The following SUSD4 variants were observed in gnomAD, a reference collection of about 807,000 sequenced individuals.
SUSD4 encodes sushi domain containing 4.
In SUSD4, 41 loss-of-function variants were observed where a neutral mutation model predicts 50.5. The ratio of observed to expected loss-of-function variants is 0.81; its 90% confidence interval spans 0.63 to 1.05. The LOEUF (loss-of-function observed/expected upper bound fraction) is 1.05. Among genes scored for constraint, SUSD4 ranks in the 50% least tolerant of loss-of-function variants. The pLI is 0.00. For synonymous variants in SUSD4, 257 were observed against 257.3 expected (o/e 1.00, Z 0.01); for missense variants, 580 against 634.7 (o/e 0.91, Z 0.93).
rs1449079835 is a variant in SUSD4 at position 223,332,304 on chromosome 1, T to A, written c.148+30974A>T. On this transcript the variant is annotated intron_variant, in intron 2 of 8. Coordinates refer to ENST00000366878, the MANE Select transcript of SUSD4 (RefSeq NM_017982.4). The surrounding 1 kb of genome is among the most constrained non-coding windows in gnomAD (Gnocchi z 4.0). The stretch of plus-strand genomic sequence containing the variant: ...TTTTATACAAGCTCATATACACACA[T>A]ATCTACAGAAAACATCATAGTGTAT... Among the ~76,000 whole-genome samples the A allele has an allele frequency of 6.6e-6, 1 of 152,212 alleles. No individual in the cohort carries two copies. The highest frequency in any genetic ancestry group is 1.5e-5 in the Non-Finnish European group (1 of 68,036).
intron 5 of SUSD4, chr1:223,234,978 T>C (rs1660117055): frequency 6.3e-7 from 1 of 1,591,992 alleles, no homozygotes; most frequent in Non-Finnish European, 8.5e-7. Flanking sequence ...GTGGTGCTAG[T>C]TGAGGAACAG....
chr1:223,340,733 A>G (rs182362868), intron 2 of SUSD4, among the ~76,000 whole-genome samples: 158 of 152,324 alleles, frequency 1.0e-3, no homozygotes, highest in African/African-American at 3.2e-3. Context: ...CCTGTGATCT[A>G]GTTAGACAGG....
chr1:223,269,223 TA>T (rs1387734282), intron 3 of SUSD4, among the ~76,000 whole-genome samples: 1 of 152,112 alleles, frequency 6.6e-6, no homozygotes, highest in East Asian at 1.9e-4. Flanking sequence ...CTTATCTGTT[TA>T]AAAAGAGATA....
At chr1:223,257,858 C>T (rs187366038) in intron 5 of SUSD4, among the ~76,000 whole-genome samples, 15 of 152,252 alleles carry the variant, frequency 9.9e-5, no homozygotes, top group African/African-American at 2.6e-4. Flanking sequence ...GGCCCTGATT[C>T]GGGTCTGGGG....
chr1:223,274,059 G>A (rs913535666), intron 3 of SUSD4, among the ~76,000 whole-genome samples: 1 of 152,122 alleles, frequency 6.6e-6, no homozygotes, highest in Admixed American at 6.5e-5. Context: ...TGGGGACTCT[G>A]AACTTAGTAC....
chr1:223,276,361 T>C (rs1467411318), intron 3 of SUSD4, among the ~76,000 whole-genome samples: 1 of 152,150 alleles, frequency 6.6e-6, no homozygotes, highest in Non-Finnish European at 1.5e-5. Context: ...ACAGAAAGAG[T>C]GAGGTCTCAG....
chr1:223,227,361 C>A lies in SUSD4; in HGVS notation c.1061+233G>T, dbSNP rs1659586595. 6.6e-6 allele frequency among the ~76,000 whole-genome samples: 1 copy of A among 152,102 alleles called. No individual in the cohort carries two copies. The highest frequency in any genetic ancestry group is 2.4e-5 in the African/African-American group (1 of 41,416). ...ATCCCATCGCTAGCCCCCCATGATG[C>A]CCACCTGCAAATGGTCTACTGCAGG... is the stretch of plus-strand genomic sequence containing the variant. On this transcript the variant is annotated intron_variant, in intron 7 of 8. Transcript: ENST00000366878. The surrounding 1 kb of genome is among the most constrained non-coding windows in gnomAD (Gnocchi z 4.5).
chr1:223,297,525 T>G (rs963770318), intron 2 of SUSD4, among the ~76,000 whole-genome samples: 2 of 152,162 alleles, frequency 1.3e-5, no homozygotes, highest in Admixed American at 6.5e-5. Context: ...TGTCTCCTAC[T>G]GAAGCAGGAA....
intron 3 of SUSD4, among the ~76,000 whole-genome samples, chr1:223,281,802 C>A (rs1025734458): frequency 3.3e-5 from 5 of 152,170 alleles, no homozygotes; most frequent in African/African-American, 1.2e-4. Context: ...GAATTTTAGA[C>A]CAATATCCCT....
intron 3 of SUSD4, among the ~76,000 whole-genome samples, chr1:223,277,315 T>C (rs1663349050): frequency 7.3e-6 from 1 of 136,238 alleles, no homozygotes; most frequent in Non-Finnish European, 1.6e-5. Context: ...TTTTTTTTTT[T>C]TCCTTTTTGC....
Position 223,222,214 on chromosome 1 carries a change from G to A in SUSD4, c.1451C>T (p.Pro484Leu). The A allele has an allele frequency of 1.2e-6, 2 of 1,613,530 alleles. No homozygotes were observed. The highest frequency in any genetic ancestry group is 1.7e-6 in the Non-Finnish European group (2 of 1,179,756). ...SPGIDIADEI[P>L]LMEEDP Reference sequence around the variant, plus strand: ...ATATTAGGGATCTTCTTCCATTAGAGGAATCTCTGTAAAAGAAGAGACGGT... The same window carrying A: ...ATATTAGGGATCTTCTTCCATTAGAAGAATCTCTGTAAAAGAAGAGACGGT... The change falls in exon 9 of 9, where the codon CCT (proline) becomes CTT (leucine). Residue 484 changes from proline (P) to leucine (L), a missense_variant. Coordinates refer to ENST00000366878, the MANE Select transcript of SUSD4 (RefSeq NM_017982.4).
intron 5 of SUSD4, among the ~76,000 whole-genome samples, chr1:223,243,197 T>C (rs1035446592): frequency 4.6e-5 from 7 of 152,068 alleles, no homozygotes; most frequent in Non-Finnish European, 1.0e-4. Context: ...CAGGACCTTC[T>C]CAGGGAGACA....
chr1:223,256,645 C>T (rs1310008558), intron 5 of SUSD4, among the ~76,000 whole-genome samples: 1 of 152,204 alleles, frequency 6.6e-6, no homozygotes, highest in African/African-American at 2.4e-5. Flanking sequence ...CAGCCAGGGA[C>T]AGGGCAGCCT....
Position 223,272,088 on chromosome 1 carries a change from G to A in SUSD4, c.362-3413C>T, listed in dbSNP as rs533619066. Among the ~76,000 whole-genome samples the A allele has an allele frequency of 5.3e-5, 8 of 152,304 alleles. No homozygotes were observed. The East Asian group carries it at 7.7e-4, about 15-fold the overall frequency. ...CTAAAAATATAAAACTTAGCCAGGC[G>A]TGGTGGCACATGCCTATAATCCCAG... On this transcript the variant is annotated intron_variant, in intron 3 of 8. Transcript: ENST00000366878.
At chr1:223,362,859 A>G (rs961752199) in intron 2 of SUSD4, among the ~76,000 whole-genome samples, 2 of 151,988 alleles carry the variant, frequency 1.3e-5, no homozygotes, top group Admixed American at 6.6e-5. Context: ...TTAAATCCAG[A>G]GGCTGAAATC....
chr1:223,268,198 T>C (rs1662655750), intron 4 of SUSD4, among the ~76,000 whole-genome samples: 1 of 151,866 alleles, frequency 6.6e-6, no homozygotes, highest in Non-Finnish European at 1.5e-5. Context: ...CTCCTGATTC[T>C]TAAACTACTT....
chr1:223,339,155 T>C (rs1268810924), intron 2 of SUSD4, among the ~76,000 whole-genome samples: 2 of 152,178 alleles, frequency 1.3e-5, no homozygotes, highest in East Asian at 1.9e-4. Context: ...AGCCAAGTGC[T>C]ACAAAGAGGC....
At chr1:223,353,874 C>G (rs918189148) in intron 2 of SUSD4, among the ~76,000 whole-genome samples, 2 of 152,008 alleles carry the variant, frequency 1.3e-5, no homozygotes, top group African/African-American at 2.4e-5. Flanking sequence ...CTGCTGTACT[C>G]TACTCCTCCT....
At chr1:223,257,916 C>G (rs1244797175) in intron 5 of SUSD4, among the ~76,000 whole-genome samples, 2 of 152,272 alleles carry the variant, frequency 1.3e-5, no homozygotes, top group East Asian at 3.9e-4. Context: ...TAATTTACGA[C>G]CTTATTGGGA....
Sources: allele counts gnomAD v4.1 joint callset (sites outside exome capture counted in the v4.1 genomes callset), GRCh38; gene constraint gnomAD v4.1.1; non-coding constraint Gnocchi (gnomAD v3.1); transcripts MANE v1.5; gene names NCBI Gene and HGNC (gene_info 2026-07-23, HGNC 2026-07-21).